Variants in ESYT2 observed in about 807,000 individuals in gnomAD.
The protein encoded by ESYT2 is extended synaptotagmin 2.
Under a neutral mutation model 107.2 loss-of-function variants are expected in ESYT2, and 54 were observed. The observed-to-expected ratio is 0.50, with a 90% CI of 0.40 to 0.63. The LOEUF (loss-of-function observed/expected upper bound fraction) is 0.63, where lower values mean the gene tolerates loss of function less well. Among genes scored for constraint, ESYT2 ranks in the 30% least tolerant of loss-of-function variants. The probability of loss-of-function intolerance (pLI) is 0.00; values close to 1 mark genes in which losing one functional copy is unlikely to be tolerated. For missense variants in ESYT2, 1,020 were observed against 1,094.5 expected, an observed-to-expected ratio of 0.93 and a Z score of 0.96; for synonymous variants, 491 against 434.1, an observed-to-expected ratio of 1.13 and a Z score of -1.63.
intron 21 of ESYT2, among the ~76,000 whole-genome samples, chr7:158,735,223 T>C (rs765482740): frequency 6.6e-5 from 10 of 152,206 alleles, no homozygotes; most frequent in Non-Finnish European, 1.2e-4. Flanking sequence ...AGCCAAAGAA[T>C]TTTAGAAAAA....
intron 13 of ESYT2, among the ~76,000 whole-genome samples, chr7:158,753,517 A>G (rs192997757): frequency 6.6e-6 from 1 of 152,196 alleles, no homozygotes; most frequent in Admixed American, 6.5e-5. Flanking sequence ...AGCTCCTTCT[A>G]GGACTAGTAT....
At chr7:158,818,252 G>C (rs1476284026) in intron 1 of ESYT2, among the ~76,000 whole-genome samples, 1 of 152,180 alleles carries the variant, frequency 6.6e-6, no homozygotes, top group Non-Finnish European at 1.5e-5. Context: ...GTGGAGTCAA[G>C]AAAGATTAGC....
chr7:158,781,247 G>C (rs1038709657), intron 6 of ESYT2, among the ~76,000 whole-genome samples: 1 of 152,090 alleles, frequency 6.6e-6, no homozygotes, highest in Non-Finnish European at 1.5e-5. Context: ...GAATGAGTGA[G>C]AACCAGTGTG....
chr7:158,798,158 A>G, intron 2 of ESYT2, 82 bp from the exon 3 acceptor site: 1 of 1,451,634 alleles, frequency 6.9e-7, no homozygotes, highest in Non-Finnish European at 9.5e-7. Flanking sequence ...AACCCTCGCA[A>G]CAGACCAAAC....
At chr7:158,769,208 T>G (rs1484591315) in intron 7 of ESYT2, among the ~76,000 whole-genome samples, 2 of 152,214 alleles carry the variant, frequency 1.3e-5, no homozygotes, top group Non-Finnish European at 2.9e-5. Flanking sequence ...AAAAAATTTT[T>G]TAAATCCCCA....
At chr7:158,787,683 T>G (rs190291898) in intron 6 of ESYT2, among the ~76,000 whole-genome samples, 1 of 152,224 alleles carries the variant, frequency 6.6e-6, no homozygotes, top group South Asian at 2.1e-4. Context: ...TTTAGAGTCA[T>G]GAGGATTAAA....
chr7:158,764,205 A>G (rs1838072971), intron 9 of ESYT2, among the ~76,000 whole-genome samples: 1 of 152,220 alleles, frequency 6.6e-6, no homozygotes, highest in Admixed American at 6.5e-5. Flanking sequence ...TGACCTGAAT[A>G]GCCTAGGCCT....
At chr7:158,777,341 A>G (rs115167279) in intron 6 of ESYT2, among the ~76,000 whole-genome samples, 3 of 152,284 alleles carry the variant, frequency 2.0e-5, no homozygotes, top group African/African-American at 7.2e-5. Flanking sequence ...ACATTTACCA[A>G]TTAACCTGGC....
chr7:158,813,213 C>T (rs1168671524), intron 1 of ESYT2, among the ~76,000 whole-genome samples: 1 of 152,166 alleles, frequency 6.6e-6, no homozygotes, highest in Non-Finnish European at 1.5e-5. Flanking sequence ...ATATGACATT[C>T]TAGAAAGGGC....
intron 11 of ESYT2, among the ~76,000 whole-genome samples, chr7:158,760,792 C>T (rs183506155): frequency 7.2e-5 from 11 of 152,238 alleles, no homozygotes; most frequent in Admixed American, 3.3e-4. Flanking sequence ...ATCAAAGATG[C>T]TCCTCAAATG....
chr7:158,806,173 G>C (rs949112293), intron 1 of ESYT2, among the ~76,000 whole-genome samples: 1 of 152,258 alleles, frequency 6.6e-6, no homozygotes, highest in South Asian at 2.1e-4. Context: ...CGCACAATGC[G>C]TAGGAGGCAC....
chr7:158,784,399 C>A (rs1435311318), intron 6 of ESYT2, among the ~76,000 whole-genome samples: 5 of 152,336 alleles, frequency 3.3e-5, no homozygotes, highest in Non-Finnish European at 7.3e-5. Context: ...GGGTCGGTAT[C>A]TGACCCAGCT....
At chr7:158,756,133 A>C (rs1235331983) in intron 13 of ESYT2, among the ~76,000 whole-genome samples, 5 of 152,268 alleles carry the variant, frequency 3.3e-5, no homozygotes, top group Non-Finnish European at 1.5e-5. Context: ...AATCCTTTGG[A>C]AATAGAAATG....
intron 1 of ESYT2, among the ~76,000 whole-genome samples, chr7:158,803,130 G>A (rs1370116062): frequency 6.6e-6 from 1 of 152,242 alleles, no homozygotes; most frequent in Admixed American, 6.5e-5. Context: ...CCCTGGGGCA[G>A]GCCCCACCAG....
intron 6 of ESYT2, among the ~76,000 whole-genome samples, chr7:158,774,339 T>C (rs553660339): frequency 6.6e-5 from 10 of 152,274 alleles, no homozygotes; most frequent in Admixed American, 5.2e-4. Flanking sequence ...AGGCTAAGAT[T>C]TCTCAATGTA....
At chr7:158,749,573 A>G in intron 15 of ESYT2, 76 bp downstream of exon 15, 1 of 1,400,646 alleles carries the variant, frequency 7.1e-7, no homozygotes, top group Non-Finnish European at 1.0e-6. Context: ...GCAACCCGGC[A>G]TCCCCAGGTG....
chr7:158,760,329 C>T (rs914590597), intron 11 of ESYT2, among the ~76,000 whole-genome samples, 182 bp from the exon 12 acceptor site: 23 of 152,220 alleles, frequency 1.5e-4, no homozygotes, highest in African/African-American at 5.1e-4. Flanking sequence ...AGTGACCTCA[C>T]GTTTGGAGGC....
Position 158,797,861 on chromosome 7 carries a change from A to G in ESYT2, c.507+81T>C, listed in dbSNP as rs1051397734. ...AGAGCGAGACTCCGTCTCAAGAAAA[A>G]AAAAAAAAGAAAATGTGTTGTTTTG... On this transcript the variant is annotated intron_variant, in intron 3 of 22. Coordinates refer to ENST00000275418, the MANE Select transcript of ESYT2 (RefSeq NM_001367773.1). 61 of 1,553,844 alleles carry G rather than the reference A, an allele frequency of 3.9e-5. No homozygotes were observed. The African/African-American group carries it at 7.0e-4, about 18-fold the overall frequency.
At chr7:158,785,049 C>A (rs1839060299) in intron 6 of ESYT2, among the ~76,000 whole-genome samples, 1 of 152,158 alleles carries the variant, frequency 6.6e-6, no homozygotes, top group South Asian at 2.1e-4. Context: ...AGAAGGATTC[C>A]CTATGCACAG....
Sources: gnomAD v4.1 joint callset for allele counts (sites outside exome capture counted in the v4.1 genomes callset) on GRCh38, gnomAD v4.1.1 for gene constraint, MANE v1.5 for transcripts, NCBI Gene and HGNC (gene_info 2026-07-23, HGNC 2026-07-21) for gene names.